Variants in KCNIP4 observed in about 807,000 individuals in gnomAD.
KCNIP4 encodes potassium voltage-gated channel interacting protein 4, also known as Kv channel-interacting protein 4.
KCNIP4 carries 12 observed loss-of-function variants against 34.0 expected under a neutral mutation model. That is an observed-to-expected ratio of 0.35 (90% CI 0.23 to 0.57). The LOEUF (loss-of-function observed/expected upper bound fraction) is 0.57, where lower values mean the gene tolerates loss of function less well. KCNIP4 is among the 20% of genes least tolerant of loss of function. The pLI, the probability that KCNIP4 is intolerant of heterozygous loss-of-function variation, is 0.83. For missense variants in KCNIP4, 238 were observed against 311.7 expected, an observed-to-expected ratio of 0.76 and a Z score of 1.78; for synonymous variants, 124 against 102.2, an observed-to-expected ratio of 1.21 and a Z score of -1.29.
chr4:21,240,230 G>A (rs1039068921), intron 1 of KCNIP4, among the ~76,000 whole-genome samples: 5 of 98,408 alleles, frequency 5.1e-5, no homozygotes, highest in East Asian at 3.6e-4. Flanking sequence ...GTTGTGGGGT[G>A]GGGGGAGGGG....
At chr4:21,796,511 G>A (rs769201566) in intron 1 of KCNIP4, among the ~76,000 whole-genome samples, 12 of 152,270 alleles carry the variant, frequency 7.9e-5, no homozygotes, top group East Asian at 5.8e-4. Context: ...TTTAACTTGC[G>A]TGAGAGAAAG....
intron 1 of KCNIP4, among the ~76,000 whole-genome samples, chr4:20,911,701 G>A: frequency 6.6e-6 from 1 of 152,146 alleles, no homozygotes; most frequent in East Asian, 1.9e-4. Context: ...TTATAAATAA[G>A]TCAGTGTAGA....
chr4:21,078,927 G>A (rs909721227), intron 1 of KCNIP4, among the ~76,000 whole-genome samples: 3 of 152,074 alleles, frequency 2.0e-5, no homozygotes, highest in African/African-American at 4.8e-5. Flanking sequence ...TTCCTATGGA[G>A]AGCCTGGGCT....
intron 2 of KCNIP4, among the ~76,000 whole-genome samples, chr4:20,864,887 CT>C (rs1722713748): frequency 6.6e-6 from 1 of 152,034 alleles, no homozygotes; most frequent in Admixed American, 6.6e-5. Context: ...GCCTCAGTAT[CT>C]TTTATGGATA....
chr4:21,176,208 A>T (rs1303832153), intron 1 of KCNIP4, among the ~76,000 whole-genome samples: 1 of 152,168 alleles, frequency 6.6e-6, no homozygotes, highest in Non-Finnish European at 1.5e-5. Context: ...ATTCTAAGAA[A>T]GGCATTATCC....
intron 1 of KCNIP4, among the ~76,000 whole-genome samples, chr4:21,088,577 T>C (rs1746680278): frequency 1.3e-5 from 2 of 152,144 alleles, no homozygotes; most frequent in Admixed American, 1.3e-4. Flanking sequence ...CCTGCGTGTC[T>C]CCTCAGACTC....
At chr4:21,463,502 G>T (rs934798350) in intron 1 of KCNIP4, among the ~76,000 whole-genome samples, 1 of 151,936 alleles carries the variant, frequency 6.6e-6, no homozygotes, top group East Asian at 1.9e-4. Context: ...AATCATAAAA[G>T]ATGTGGTCTT....
chr4:20,915,716 A>C (rs889293155), intron 1 of KCNIP4, among the ~76,000 whole-genome samples: 18 of 152,118 alleles, frequency 1.2e-4, no homozygotes, highest in Admixed American at 1.2e-3. Context: ...ATAATAAATA[A>C]AGCAATAGTA....
intron 1 of KCNIP4, among the ~76,000 whole-genome samples, chr4:21,932,317 G>C (rs186691462): frequency 6.6e-6 from 1 of 152,166 alleles, no homozygotes; most frequent in South Asian, 2.1e-4. Flanking sequence ...TGCAGTGTCT[G>C]ATCCATGAAG....
intron 1 of KCNIP4, among the ~76,000 whole-genome samples, chr4:21,372,126 A>T (rs1339195623): frequency 6.8e-6 from 1 of 147,506 alleles, no homozygotes; most frequent in Non-Finnish European, 1.5e-5. Flanking sequence ...CAACATCAAC[A>T]TATGGAAGAA....
chr4:21,581,595 T>C (rs954697640), intron 1 of KCNIP4, among the ~76,000 whole-genome samples: 4 of 152,026 alleles, frequency 2.6e-5, no homozygotes, highest in African/African-American at 9.7e-5. Context: ...ATAGTACCTA[T>C]TGTATCTGCA....
chr4:21,292,613 C>T (rs554665401), intron 1 of KCNIP4, among the ~76,000 whole-genome samples: 1 of 152,250 alleles, frequency 6.6e-6, no homozygotes, highest in South Asian at 2.1e-4. Flanking sequence ...TTCACTTCCC[C>T]AGGCTCTGAT....
chr4:21,864,462 C>T (rs1725299114), intron 1 of KCNIP4, among the ~76,000 whole-genome samples: 1 of 151,970 alleles, frequency 6.6e-6, no homozygotes, highest in Non-Finnish European at 1.5e-5. Context: ...ATGATAATGC[C>T]CTATATGAAA....
At chr4:21,634,402 C>T (rs993500960) in intron 1 of KCNIP4, among the ~76,000 whole-genome samples, 1 of 151,844 alleles carries the variant, frequency 6.6e-6, no homozygotes, top group Non-Finnish European at 1.5e-5. Flanking sequence ...ACACTTTATA[C>T]TTTATATAAT....
At chr4:20,892,580 T>C (rs796197329) in intron 1 of KCNIP4, among the ~76,000 whole-genome samples, 36 of 152,280 alleles carry the variant, frequency 2.4e-4, no homozygotes, top group African/African-American at 8.4e-4. Context: ...CGACTCAGTC[T>C]CTCTCTCAAT....
chr4:20,942,394 C>T (rs1731731132), intron 1 of KCNIP4, among the ~76,000 whole-genome samples: 1 of 152,170 alleles, frequency 6.6e-6, no homozygotes. Context: ...TTTCTCTGAC[C>T]CAAAGTCTGT....
chr4:21,557,773 T>C (rs548593935), intron 1 of KCNIP4, among the ~76,000 whole-genome samples: 73 of 152,262 alleles, frequency 4.8e-4, no homozygotes, highest in Admixed American at 2.9e-3. Context: ...GTTTCCCAAA[T>C]GATTTAAATT....
chr4:20,989,648 T>A (rs955591531), intron 1 of KCNIP4, among the ~76,000 whole-genome samples: 1 of 152,112 alleles, frequency 6.6e-6, no homozygotes, highest in Non-Finnish European at 1.5e-5. Context: ...AGCAGTGACT[T>A]TCCCAGGAAC....
At chr4:21,716,770 G>A (rs1024854100) in intron 1 of KCNIP4, among the ~76,000 whole-genome samples, 2 of 152,056 alleles carry the variant, frequency 1.3e-5, no homozygotes, top group African/African-American at 2.4e-5. Flanking sequence ...ATGCTAAAAC[G>A]GCCTTGTTGA....
Sources: gnomAD v4.1 joint callset for allele counts (sites outside exome capture counted in the v4.1 genomes callset) on GRCh38, gnomAD v4.1.1 for gene constraint, MANE v1.5 for transcripts, NCBI Gene and HGNC (gene_info 2026-07-23, HGNC 2026-07-21) for gene names.